The following GP6 variants were observed in gnomAD, a reference collection of about 807,000 sequenced individuals.
The protein encoded by GP6 is platelet glycoprotein VI.
A neutral mutation model predicts 37.3 loss-of-function variants in GP6; 45 were observed. The observed-to-expected ratio is 1.21, with a 90% CI of 0.95 to 1.55. GP6 has a LOEUF of 1.55. GP6 is among the 40% of genes most tolerant of loss of function. GP6 has a pLI of 0.00. For synonymous variants in GP6, 340 were observed against 316.4 expected, an observed-to-expected ratio of 1.07 and a Z score of -0.79; for missense variants, 813 against 760.2, an observed-to-expected ratio of 1.07 and a Z score of -0.82.
At chr19:55,029,082 A>G (rs185218328) in intron 3 of GP6, among the ~76,000 whole-genome samples, 92 of 148,640 alleles carry the variant, frequency 6.2e-4, no homozygotes, top group South Asian at 1.3e-3. Context: ...TCACTCAACA[A>G]GAAGAAAAAG....
In GP6 at chr19:55,033,072, C is replaced by T. The variant is rs2074653252; in HGVS notation, c.35-534G>A. ...CGTGTTGTGTTAGACACGGTGGACT[C>T]GTTCGTGTTGTGTTAGACACGGTGG... On this transcript the variant is annotated intron_variant, in intron 1 of 7. Coordinates refer to ENST00000310373, the MANE Select transcript of GP6 (RefSeq NM_001083899.2). 1.2e-4 allele frequency among the ~76,000 whole-genome samples: 2 copies of T among 16,806 alleles called. 1 individual carries two copies. Among genetic ancestry groups the T allele is most frequent in the Non-Finnish European group, 2.7e-4 (2 of 7,362 alleles). The allele number at this position is 16,806 out of a possible 152,430, so 11.0% of individuals were successfully genotyped here.
intron 5 of GP6, among the ~76,000 whole-genome samples, chr19:55,021,527 T>TG (rs1333917750): frequency 6.9e-6 from 1 of 145,228 alleles, no homozygotes; most frequent in African/African-American, 2.5e-5. Flanking sequence ...TTGGTTTTTT[T>TG]TTTTTTTTTT....
At position 55,020,099 on chromosome 19, in the gene GP6, C is replaced by T. The variant is rs112969750; in HGVS notation, c.665-1388G>A. Among the ~76,000 whole-genome samples, 1,025 of 151,408 alleles carry T rather than the reference C, an allele frequency of 6.8e-3. 9 individuals are homozygous for T. The highest frequency in any genetic ancestry group is 0.011 in the Non-Finnish European group (728 of 67,910). ...TCCTGGGAGTCTTTTTATGGTGGAA[C>T]CAGCTTGGAAAAAACTAGTTTATGC... On this transcript the variant is annotated intron_variant, in intron 5 of 7. Coordinates refer to ENST00000310373, the MANE Select transcript of GP6 (RefSeq NM_001083899.2).
chr19:55,033,489 C>T (rs1457062645), intron 1 of GP6, among the ~76,000 whole-genome samples: 4 of 107,882 alleles, frequency 3.7e-5, no homozygotes, highest in African/African-American at 1.4e-4. Flanking sequence ...ACACGGTGGG[C>T]TCGTTCGTGT....
intron 3 of GP6, among the ~76,000 whole-genome samples, chr19:55,031,488 T>C (rs1299057707): frequency 6.6e-6 from 1 of 152,224 alleles, no homozygotes; most frequent in Non-Finnish European, 1.5e-5. Context: ...AAGGGTTGCC[T>C]GTTTTTCGTT....
chr19:55,027,913 T>G (rs778795994), intron 3 of GP6, 51 bp from the exon 4 acceptor site: 3 of 1,590,068 alleles, frequency 1.9e-6, no homozygotes, highest in South Asian at 2.2e-5. Flanking sequence ...GCATCTCAGC[T>G]GAGACTGGGG....
At position 55,025,234 on chromosome 19, in the gene GP6, TGG is replaced by T. The variant is rs771675174; in HGVS notation, c.646_647del (p.Pro216ThrfsTer13). ...AGAACCTACCTGCTACCGGGGAAGG[TGG>T]TTCTGTTGGTAACCGGCTGGGGGTC... On this transcript the variant is annotated frameshift_variant, in exon 5 of 8. Coordinates refer to ENST00000310373, the MANE Select transcript of GP6 (RefSeq NM_001083899.2). LOFTEE classifies it high-confidence loss of function. The T allele has an allele frequency of 1.6e-5, 25 of 1,546,082 alleles. No individual in the cohort carries two copies. The highest frequency in any genetic ancestry group is 1.7e-5 in the Non-Finnish European group (19 of 1,141,766).
intron 1 of GP6, among the ~76,000 whole-genome samples, chr19:55,034,258 G>A (rs1011977010): frequency 6.6e-6 from 1 of 151,892 alleles, no homozygotes; most frequent in South Asian, 2.1e-4. Context: ...TCTGCTGTGA[G>A]GTAAGATTGC....
chr19:55,037,360 G>C (rs536397176), intron 1 of GP6, among the ~76,000 whole-genome samples: 1 of 147,976 alleles, frequency 6.8e-6, no homozygotes, highest in Non-Finnish European at 1.5e-5. Flanking sequence ...TTTTTGAGAC[G>C]GAGTTTCGCT....
In GP6 at chr19:55,032,128, C is replaced by T. The variant is rs753693386; in HGVS notation, c.325+11G>A. On this transcript the variant is annotated intron_variant, in intron 3 of 7. Coordinates refer to ENST00000310373, the MANE Select transcript of GP6 (RefSeq NM_001083899.2). ...CCACGCAGTCCCAGGCTCCGATCCC[C>T]CTTCCTTTACCCGTGGCAACGAGCT... 6.2e-7 allele frequency: 1 copy of T among 1,613,218 alleles called. No homozygotes were observed. Among genetic ancestry groups the T allele is most frequent in the Non-Finnish European group, 8.5e-7 (1 of 1,179,796 alleles).
At chr19:55,020,357 C>A (rs1416244124) in intron 5 of GP6, among the ~76,000 whole-genome samples, 2 of 152,186 alleles carry the variant, frequency 1.3e-5, no homozygotes, top group East Asian at 3.9e-4. Flanking sequence ...GCTATTTATC[C>A]TGATCCTCTC....
At chr19:55,030,861 T>C (rs555262093) in intron 3 of GP6, among the ~76,000 whole-genome samples, 1 of 152,072 alleles carries the variant, frequency 6.6e-6, no homozygotes, top group Non-Finnish European at 1.5e-5. Context: ...TTTTTGTTTG[T>C]TTTTTGATAC....
chr19:55,033,674 A>C (rs1018867178), intron 1 of GP6, among the ~76,000 whole-genome samples: 1 of 152,200 alleles, frequency 6.6e-6, no homozygotes, highest in African/African-American at 2.4e-5. Context: ...GTACATTACA[A>C]TAGTATGCAA....
intron 7 of GP6, 125 bp downstream of exon 7, chr19:55,015,558 C>T: frequency 2.7e-6 from 2 of 728,364 alleles, no homozygotes; most frequent in Non-Finnish European, 2.5e-6. Context: ...CGCTGATATT[C>T]TGCCTTTACT....
intron 3 of GP6, among the ~76,000 whole-genome samples, chr19:55,029,466 C>T (rs1234783865): frequency 2.8e-5 from 4 of 141,572 alleles, no homozygotes; most frequent in Non-Finnish European, 4.5e-5. Flanking sequence ...TCCCAGCTCA[C>T]TGCAACCTCC....
At chr19:55,033,380 G>T (rs3859537) in intron 1 of GP6, among the ~76,000 whole-genome samples, 129 of 101,642 alleles carry the variant, frequency 1.3e-3, no homozygotes, top group Middle Eastern at 9.8e-3. Flanking sequence ...TAGACACGGT[G>T]GACTCGTTCG....
At chr19:55,031,655 G>A (rs116850181) in intron 3 of GP6, among the ~76,000 whole-genome samples, 1,890 of 152,142 alleles carry the variant, frequency 0.012, 14 homozygotes, top group Non-Finnish European at 0.02. Flanking sequence ...AGTGGCTCAC[G>A]CCTGAAATCC....
intron 1 of GP6, among the ~76,000 whole-genome samples, chr19:55,035,098 C>T (rs559559615): frequency 3.7e-4 from 57 of 152,304 alleles, no homozygotes; most frequent in South Asian, 1.9e-3. Flanking sequence ...TCGCCATAAT[C>T]GTACGGGTTA....
rs368350811 is a variant in GP6, at chr19:55,014,380, A to G, written c.1565T>C (p.Leu522Pro). ...CGGGCAACGTGCTAGTTTTACACTA[A>G]GGAAAATGAATGACATACCCAAACT... The change falls in exon 8 of 8, where the codon CTT (leucine) becomes CCT (proline). Residue 522 changes from leucine to proline, a missense_variant. Coordinates refer to ENST00000310373, the MANE Select transcript of GP6 (RefSeq NM_001083899.2). The G allele has an allele frequency of 1.5e-5, 24 of 1,613,690 alleles. No individual in the cohort carries two copies. Among genetic ancestry groups the G allele is most frequent in the East Asian group, 8.9e-5 (4 of 44,886 alleles).
Sources: gnomAD v4.1 joint callset for allele counts (sites outside exome capture counted in the v4.1 genomes callset) on GRCh38, gnomAD v4.1.1 for gene constraint, MANE v1.5 for transcripts, NCBI Gene and HGNC (gene_info 2026-07-23, HGNC 2026-07-21) for gene names.